Variants in BNC2 observed in about 807,000 individuals in gnomAD.
The protein encoded by BNC2 is zinc finger protein basonuclin-2.
In BNC2, 20 loss-of-function variants were observed where a neutral mutation model predicts 76.3. The ratio of observed to expected loss-of-function variants is 0.26; its 90% confidence interval spans 0.18 to 0.38. The LOEUF (loss-of-function observed/expected upper bound fraction) is 0.38. Ranked by LOEUF, BNC2 falls within the 10% of genes least tolerant of loss-of-function variation. The pLI is 1.00. For synonymous variants in BNC2, 582 were observed against 514.8 expected (o/e 1.13, Z -1.77); for missense variants, 1,382 against 1,399.8 (o/e 0.99, Z 0.20).
At chr9:16,557,926 T>A (rs1818889060) in intron 4 of BNC2, among the ~76,000 whole-genome samples, 2 of 151,916 alleles carry the variant, frequency 1.3e-5, no homozygotes, top group Non-Finnish European at 2.9e-5. Flanking sequence ...AGTGGCAGGA[T>A]CGCGGCTCCC....
At chr9:16,701,012 G>C (rs1487015367) in intron 3 of BNC2, among the ~76,000 whole-genome samples, 2 of 152,130 alleles carry the variant, frequency 1.3e-5, no homozygotes, top group Non-Finnish European at 2.9e-5. Flanking sequence ...CCAAGCACAA[G>C]ATAAACAAAA....
chr9:16,565,907 C>A (rs16934813), intron 4 of BNC2, among the ~76,000 whole-genome samples: 1 of 151,742 alleles, frequency 6.6e-6, no homozygotes, highest in Admixed American at 6.6e-5. Context: ...GGGTGGGAGT[C>A]GGGTATTCCA....
intron 5 of BNC2, among the ~76,000 whole-genome samples, chr9:16,468,998 T>C (rs1394724782): frequency 1.3e-5 from 2 of 152,214 alleles, no homozygotes; most frequent in African/African-American, 4.8e-5. Flanking sequence ...AATGAATATA[T>C]CTAGTTAAAA....
At chr9:16,500,664 G>A (rs1346025838) in intron 5 of BNC2, among the ~76,000 whole-genome samples, 1 of 152,118 alleles carries the variant, frequency 6.6e-6, no homozygotes, top group Non-Finnish European at 1.5e-5. Context: ...TAGTTTTTCA[G>A]GGTGGATGGA....
chr9:16,584,659 A>G (rs571697437), intron 3 of BNC2, among the ~76,000 whole-genome samples: 1 of 152,318 alleles, frequency 6.6e-6, no homozygotes, highest in East Asian at 1.9e-4. Flanking sequence ...TATAGAAGTG[A>G]TTAATTTGTA....
intron 3 of BNC2, among the ~76,000 whole-genome samples, chr9:16,638,615 T>C (rs1821396418): frequency 1.3e-5 from 2 of 152,116 alleles, no homozygotes; most frequent in South Asian, 4.1e-4. Context: ...AACCCTTACA[T>C]ATAGGTTATG....
intron 1 of BNC2, among the ~76,000 whole-genome samples, chr9:16,745,006 C>CA (rs1425540215): frequency 6.6e-6 from 1 of 152,196 alleles, no homozygotes; most frequent in Non-Finnish European, 1.5e-5. Flanking sequence ...GCTTAAGTGT[C>CA]AGAGTTCTGC....
At chr9:16,777,649 G>A (rs546408714) in intron 1 of BNC2, among the ~76,000 whole-genome samples, 22 of 147,726 alleles carry the variant, frequency 1.5e-4, no homozygotes, top group African/African-American at 4.2e-4. Context: ...TGCAGTGAGC[G>A]GAGATTGCAC....
At chr9:16,769,652 T>C (rs75381948) in intron 1 of BNC2, among the ~76,000 whole-genome samples, 343 of 152,276 alleles carry the variant, frequency 2.3e-3, no homozygotes, top group African/African-American at 7.5e-3. Flanking sequence ...CCCTTACTAG[T>C]CACACCGCTT....
At chr9:16,746,984 T>G (rs1980936) in intron 1 of BNC2, among the ~76,000 whole-genome samples, 61,485 of 149,872 alleles carry the variant, frequency 0.41, 14,665 homozygotes, top group East Asian at 0.9. Flanking sequence ...AATTAATCCA[T>G]GTAATTGAAA....
At chr9:16,851,289 C>T (rs528555314) in intron 1 of BNC2, among the ~76,000 whole-genome samples, 2 of 152,162 alleles carry the variant, frequency 1.3e-5, no homozygotes, top group South Asian at 4.1e-4. Context: ...AGGAGGATTG[C>T]TTGATCCCAG....
At chr9:16,456,282 C>T (rs1821446541) in intron 5 of BNC2, among the ~76,000 whole-genome samples, 1 of 152,070 alleles carries the variant, frequency 6.6e-6, no homozygotes, top group Non-Finnish European at 1.5e-5. Flanking sequence ...TATGGAGTCT[C>T]AAATAGACAT....
intron 3 of BNC2, among the ~76,000 whole-genome samples, chr9:16,703,843 T>A (rs1024331419): frequency 2.0e-5 from 3 of 152,160 alleles, no homozygotes; most frequent in Non-Finnish European, 4.4e-5. Flanking sequence ...GAAAAGTAAC[T>A]TAGCAGCTCT....
At chr9:16,535,035 T>C (rs1287472384) in intron 5 of BNC2, among the ~76,000 whole-genome samples, 2 of 152,182 alleles carry the variant, frequency 1.3e-5, no homozygotes, top group Admixed American at 6.5e-5. Context: ...TTTCCAAATT[T>C]TTAACTTTTG....
chr9:16,588,505 G>C (rs1819834666), intron 3 of BNC2, among the ~76,000 whole-genome samples: 1 of 151,974 alleles, frequency 6.6e-6, no homozygotes, highest in African/African-American at 2.4e-5. Context: ...TGGAGAAGAA[G>C]ACAAATCTCC....
At chr9:16,579,192 T>A (rs1360348706) in intron 4 of BNC2, among the ~76,000 whole-genome samples, 2 of 152,130 alleles carry the variant, frequency 1.3e-5, no homozygotes, top group African/African-American at 4.8e-5. Context: ...TTTAAGAAAA[T>A]ACTCTGTGAA....
chr9:16,518,767 A>T (rs1284124168), intron 5 of BNC2, among the ~76,000 whole-genome samples: 1 of 151,988 alleles, frequency 6.6e-6, no homozygotes, highest in Admixed American at 6.6e-5. Flanking sequence ...TGCCTGGCTA[A>T]TGTTTGTATT....
Position 16,734,268 on chromosome 9 carries a change from A to G in BNC2, c.129+4092T>C, listed in dbSNP as rs568736344. 1.1e-4 allele frequency among the ~76,000 whole-genome samples: 16 copies of G among 152,312 alleles called. No individual in the cohort carries two copies. In the South Asian group the frequency reaches 2.9e-3, roughly 28 times the overall value. On this transcript the variant is annotated intron_variant, in intron 2 of 6. Coordinates refer to ENST00000380672, the MANE Select transcript of BNC2 (RefSeq NM_017637.6). ...GAACTATACACCTATCTGCTTCTGT[A>G]CGTCTTCCTCTTTGGAAACGCCTAT... is the stretch of plus-strand genomic sequence containing the variant.
chr9:16,532,442 G>A (rs559514340), intron 5 of BNC2, among the ~76,000 whole-genome samples: 1 of 152,180 alleles, frequency 6.6e-6, no homozygotes, highest in African/African-American at 2.4e-5. Flanking sequence ...TGGGCACGCA[G>A]ACACAAGACA....
Sources: gnomAD v4.1 joint callset for allele counts (sites outside exome capture counted in the v4.1 genomes callset) on GRCh38, gnomAD v4.1.1 for gene constraint, MANE v1.5 for transcripts, NCBI Gene and HGNC (gene_info 2026-07-23, HGNC 2026-07-21) for gene names.